The following SHTN1 variants were observed in gnomAD, a reference collection of about 807,000 sequenced individuals.
The protein encoded by SHTN1 is shootin 1.
SHTN1 carries 42 observed loss-of-function variants against 83.1 expected under a neutral mutation model. The ratio of observed to expected loss-of-function variants is 0.51; its 90% CI spans 0.39 to 0.65. SHTN1 has a LOEUF of 0.65. Ranked by LOEUF, SHTN1 falls within the 30% of genes least tolerant of loss-of-function variation. SHTN1 has a pLI of 0.00. For missense variants in SHTN1, 622 were observed against 737.8 expected, an observed-to-expected ratio of 0.84 and a Z score of 1.82; for synonymous variants, 224 against 247.7, an observed-to-expected ratio of 0.90 and a Z score of 0.90.
intron 2 of SHTN1, among the ~76,000 whole-genome samples, chr10:117,026,035 A>G (rs1208423878): frequency 6.6e-6 from 1 of 152,116 alleles, no homozygotes; most frequent in Non-Finnish European, 1.5e-5. Context: ...AGAAAAGCAG[A>G]GGGAAAACTT....
chr10:116,935,755 G>A (rs1429731713), intron 9 of SHTN1, among the ~76,000 whole-genome samples: 3 of 152,004 alleles, frequency 2.0e-5, no homozygotes, highest in African/African-American at 7.2e-5. Context: ...AGCTCCTCTT[G>A]GTACCTCTGG....
chr10:116,999,203 T>C (rs1247296495), intron 1 of SHTN1, among the ~76,000 whole-genome samples: 1 of 152,230 alleles, frequency 6.6e-6, no homozygotes, highest in Admixed American at 6.5e-5. Context: ...TTAAATACAT[T>C]GTGGTACGTC....
chr10:117,049,649 G>T (rs973845287), intron 1 of SHTN1, among the ~76,000 whole-genome samples: 5 of 152,164 alleles, frequency 3.3e-5, no homozygotes, highest in African/African-American at 1.2e-4. Context: ...TGAACAGATA[G>T]TCTAGTACTA....
At chr10:117,077,414 G>T (rs1237639740) in intron 1 of SHTN1, among the ~76,000 whole-genome samples, 1 of 152,044 alleles carries the variant, frequency 6.6e-6, no homozygotes, top group Non-Finnish European at 1.5e-5. Flanking sequence ...ACAGAAGAAA[G>T]GATAACTATC....
chr10:116,891,472 A>G (rs1847339928), intron 16 of SHTN1, among the ~76,000 whole-genome samples: 1 of 152,230 alleles, frequency 6.6e-6, no homozygotes, highest in Non-Finnish European at 1.5e-5. Flanking sequence ...ATAAAAATGG[A>G]TAAAACCGCA....
chr10:117,093,651 G>A (rs552091174), intron 1 of SHTN1, among the ~76,000 whole-genome samples: 2 of 152,250 alleles, frequency 1.3e-5, no homozygotes, highest in South Asian at 4.2e-4. Context: ...ACTTTTTCAC[G>A]ACACCAGGCT....
intron 1 of SHTN1, among the ~76,000 whole-genome samples, chr10:117,052,935 G>A (rs1852768968): frequency 6.9e-6 from 1 of 145,098 alleles, no homozygotes; most frequent in South Asian, 2.3e-4. Flanking sequence ...CAGGAGAATG[G>A]CGTGAACCTA....
intron 1 of SHTN1, among the ~76,000 whole-genome samples, chr10:117,104,353 A>G (rs1304124026): frequency 6.6e-6 from 1 of 152,144 alleles, no homozygotes; most frequent in Admixed American, 6.5e-5. Context: ...CACATTTTCT[A>G]TTTTGTGTCA....
intron 1 of SHTN1, among the ~76,000 whole-genome samples, chr10:117,119,690 G>A (rs1223326590): frequency 1.3e-5 from 2 of 152,052 alleles, no homozygotes; most frequent in African/African-American, 4.8e-5. Context: ...AAAGAAATCA[G>A]TACATCAAAA....
intron 1 of SHTN1, among the ~76,000 whole-genome samples, chr10:117,120,044 G>A (rs1440080036): frequency 6.6e-6 from 1 of 152,106 alleles, no homozygotes; most frequent in African/African-American, 2.4e-5. Context: ...GGGTAGTCGG[G>A]AGCAGTGGGG....
In SHTN1 at chr10:117,018,067, G is replaced by C. The variant is rs1332563777; in HGVS notation, c.-123+30378C>G. On this transcript the variant is annotated intron_variant, in intron 2 of 17. Transcript: ENST00000392901. ...AGACCAGAAGGGACTAAGCAGACAT[G>C]ATGACTACAATTGATGTAGTATTCT... 7.2e-5 allele frequency among the ~76,000 whole-genome samples: 11 copies of C among 152,264 alleles called. No individual in the cohort carries two copies. In the East Asian group the frequency reaches 2.1e-3, roughly 29 times the overall value.
At chr10:117,071,968 CT>C (rs1853087392) in intron 1 of SHTN1, among the ~76,000 whole-genome samples, 1 of 152,120 alleles carries the variant, frequency 6.6e-6, no homozygotes, top group Non-Finnish European at 1.5e-5. Flanking sequence ...AGATGCAGAC[CT>C]TTTCTAAGGA....
At chr10:117,005,251 A>C, upstream of SHTN1, 1 of 1,465,954 alleles carries the variant, frequency 6.8e-7, no homozygotes, top group Non-Finnish European at 9.0e-7. Context: ...GATCATCCCC[A>C]CGCACCTACT....
chr10:117,016,867 A>G (rs754377547), intron 2 of SHTN1, among the ~76,000 whole-genome samples: 2 of 152,202 alleles, frequency 1.3e-5, no homozygotes, highest in Non-Finnish European at 2.9e-5. Flanking sequence ...ACATAAAGGT[A>G]TATGTATATG....
At chr10:117,091,239 G>A (rs1038070804) in intron 1 of SHTN1, among the ~76,000 whole-genome samples, 2 of 152,166 alleles carry the variant, frequency 1.3e-5, no homozygotes, top group African/African-American at 4.8e-5. Context: ...CGTTGTGCCA[G>A]GGACTGTTCC....
At chr10:117,071,412 C>T (rs955161715) in intron 1 of SHTN1, among the ~76,000 whole-genome samples, 3 of 152,104 alleles carry the variant, frequency 2.0e-5, no homozygotes, top group East Asian at 3.8e-4. Flanking sequence ...ATGCTAGGAC[C>T]GCTAATAGCA....
chr10:117,085,148 T>C (rs1853332586), intron 1 of SHTN1, among the ~76,000 whole-genome samples: 1 of 152,222 alleles, frequency 6.6e-6, no homozygotes, highest in Non-Finnish European at 1.5e-5. Context: ...TTCAATGTCA[T>C]TGATTTTGGC....
At chr10:116,944,708 T>A (rs1240031495) in intron 8 of SHTN1, among the ~76,000 whole-genome samples, 2 of 151,896 alleles carry the variant, frequency 1.3e-5, no homozygotes, top group Non-Finnish European at 2.9e-5. Flanking sequence ...CTGGTCAACA[T>A]GGTGAAACCC....
rs190996101 is a variant in SHTN1, at chr10:116,884,828, T to C, written c.*1516A>G. ...AAACTATTGGTGCCTTTTTAATAAG[T>C]TGTGGTGAGGAGAGTTCAAATTACA... On this transcript the variant is annotated 3_prime_UTR_variant, in exon 17 of 17. Coordinates refer to ENST00000355371, the MANE Select transcript of SHTN1 (RefSeq NM_001127211.3). The C allele has an allele frequency of 1.9e-4, 29 of 155,830 alleles. No homozygotes were observed. Among genetic ancestry groups the C allele is most frequent in the Admixed American group, 1.5e-3 (25 of 16,278 alleles). 9.7% of individuals were successfully genotyped at this position (155,830 alleles called of 1,614,324 possible).
Sources: gnomAD v4.1 joint callset for allele counts (sites outside exome capture counted in the v4.1 genomes callset) on GRCh38, gnomAD v4.1.1 for gene constraint, MANE v1.5 for transcripts, NCBI Gene and HGNC (gene_info 2026-07-23, HGNC 2026-07-21) for gene names.